The following RFX4 variants were observed in gnomAD, a reference collection of about 807,000 sequenced individuals.
The protein encoded by RFX4 is regulatory factor X4.
In RFX4, 10 loss-of-function variants were observed where a neutral mutation model predicts 95.0. That is an observed-to-expected ratio of 0.11 (90% CI 0.06 to 0.18). The LOEUF (loss-of-function observed/expected upper bound fraction) is 0.18, where lower values mean the gene tolerates loss of function less well. RFX4 is among the 10% of genes least tolerant of loss of function. The pLI, the probability that RFX4 is intolerant of heterozygous loss-of-function variation, is 1.00. For missense variants in RFX4, 640 were observed against 922.0 expected (o/e 0.69, Z 3.96); for synonymous variants, 321 against 340.7 (o/e 0.94, Z 0.64).
chr12:106,736,876 A>C (rs2042718313), intron 15 of RFX4, among the ~76,000 whole-genome samples: 2 of 151,966 alleles, frequency 1.3e-5, no homozygotes, highest in African/African-American at 4.8e-5. Context: ...ACTACTCACT[A>C]AGTCTCGTTT....
At chr12:106,663,971 T>G (rs2041125984) in intron 4 of RFX4, among the ~76,000 whole-genome samples, 1 of 151,902 alleles carries the variant, frequency 6.6e-6, no homozygotes, top group African/African-American at 2.4e-5. Context: ...TTTGCAAATA[T>G]TCTGTTAAGA....
intron 9 of RFX4, among the ~76,000 whole-genome samples, chr12:106,710,275 A>C (rs1259256784): frequency 6.6e-6 from 1 of 152,204 alleles, no homozygotes; most frequent in Non-Finnish European, 1.5e-5. Context: ...TCCACAGGCA[A>C]AGGGAGCCCT....
rs779631665 is a variant in RFX4 at position 106,732,115 on chromosome 12, C to T, written c.1352-15C>T. ...CAGCACGACTTACTTTCTGTTTGAT[C>T]CTTTTTTTCACCAGGGTCTTTTCAC... On this transcript the variant is annotated splice_polypyrimidine_tract_variant and intron_variant, in intron 13 of 17. Transcript: ENST00000392842. The T allele has an allele frequency of 6.2e-7, 1 of 1,611,976 alleles. No homozygotes were observed. Among genetic ancestry groups the T allele is most frequent in the Admixed American group, 1.7e-5 (1 of 59,934 alleles).
At chr12:106,711,202 C>T (rs2042185849) in intron 9 of RFX4, among the ~76,000 whole-genome samples, 1 of 152,160 alleles carries the variant, frequency 6.6e-6, no homozygotes, top group African/African-American at 2.4e-5. Context: ...CTCACACCTG[C>T]GAGTGTATCG....
At chr12:106,756,989 G>A (rs1275773535) in intron 17 of RFX4, among the ~76,000 whole-genome samples, 1 of 152,110 alleles carries the variant, frequency 6.6e-6, no homozygotes, top group Non-Finnish European at 1.5e-5. Flanking sequence ...ATGAATGACT[G>A]GATTCTTACT....
chr12:106,644,532 G>A (rs887003475), intron 3 of RFX4, among the ~76,000 whole-genome samples: 3 of 151,998 alleles, frequency 2.0e-5, no homozygotes, highest in East Asian at 1.9e-4. Context: ...CCCACCCGGC[G>A]CCACTTCCCT....
intron 4 of RFX4, among the ~76,000 whole-genome samples, chr12:106,663,708 C>T (rs2137346101): frequency 6.7e-6 from 1 of 149,574 alleles, no homozygotes; most frequent in Non-Finnish European, 1.5e-5. Flanking sequence ...TGTAGATATT[C>T]TTTATCAAAT....
intron 15 of RFX4, among the ~76,000 whole-genome samples, chr12:106,739,300 T>C (rs190466901): frequency 3.3e-5 from 5 of 152,326 alleles, no homozygotes; most frequent in Admixed American, 3.3e-4. Context: ...CAGGTTTGAC[T>C]TGTTGAGAAT....
chr12:106,749,021 G>T (rs1435030281), intron 16 of RFX4, among the ~76,000 whole-genome samples: 2 of 151,556 alleles, frequency 1.3e-5, no homozygotes, highest in Non-Finnish European at 2.9e-5. Context: ...GGAGGTGGAG[G>T]CTGCAGTGAG....
chr12:106,673,349 T>G (rs941393235), intron 4 of RFX4, among the ~76,000 whole-genome samples: 2 of 152,160 alleles, frequency 1.3e-5, no homozygotes, highest in Non-Finnish European at 2.9e-5. Flanking sequence ...CCTGTTGAGG[T>G]TGAGCTCTTG....
chr12:106,674,162 G>A (rs1385379183), intron 4 of RFX4, among the ~76,000 whole-genome samples: 2 of 152,154 alleles, frequency 1.3e-5, no homozygotes, highest in Admixed American at 6.5e-5. Flanking sequence ...AAACGAATGA[G>A]ACAAGCTCCC....
At chr12:106,636,980 G>A (rs2040527934) in intron 2 of RFX4, among the ~76,000 whole-genome samples, 1 of 152,022 alleles carries the variant, frequency 6.6e-6, no homozygotes, top group Non-Finnish European at 1.5e-5. Context: ...AGTAGAACAG[G>A]CCAGAATCTC....
chr12:106,728,425 C>A (rs776215743), intron 13 of RFX4, among the ~76,000 whole-genome samples: 2 of 152,036 alleles, frequency 1.3e-5, no homozygotes, highest in Non-Finnish European at 2.9e-5. Flanking sequence ...TAACACATAT[C>A]CATTGAGTCT....
chr12:106,592,337 A>G (rs1250264694), intron 1 of RFX4, among the ~76,000 whole-genome samples: 3 of 151,964 alleles, frequency 2.0e-5, no homozygotes, highest in African/African-American at 7.3e-5. Context: ...TTTTATTTTT[A>G]TTTCTCCACC....
intron 15 of RFX4, among the ~76,000 whole-genome samples, chr12:106,742,918 T>G (rs76250682): frequency 0.013 from 2,035 of 152,370 alleles, 54 homozygotes; most frequent in African/African-American, 0.047. Flanking sequence ...TTAATTCATT[T>G]ATTTGACAAA....
chr12:106,665,532 T>G (rs1251445220), intron 4 of RFX4, among the ~76,000 whole-genome samples: 4 of 151,996 alleles, frequency 2.6e-5, no homozygotes. Flanking sequence ...TTTGTTACTG[T>G]TTTCTATTTG....
At chr12:106,634,227 C>T (rs2040469882) in intron 2 of RFX4, among the ~76,000 whole-genome samples, 1 of 152,132 alleles carries the variant, frequency 6.6e-6, no homozygotes, top group Non-Finnish European at 1.5e-5. Flanking sequence ...CTCAACCATC[C>T]CTTCAGGGCT....
intron 13 of RFX4, among the ~76,000 whole-genome samples, chr12:106,727,498 T>C (rs1259626768): frequency 1.3e-5 from 2 of 151,980 alleles, no homozygotes; most frequent in Admixed American, 1.3e-4. Context: ...GAAAAGAAAA[T>C]GAAATAGAAG....
In RFX4 at chr12:106,610,607, T is replaced by A. The variant is rs115733461; in HGVS notation, c.130+1724T>A. On this transcript the variant is annotated intron_variant, in intron 2 of 17. Coordinates refer to ENST00000392842, the MANE Select transcript of RFX4 (RefSeq NM_213594.3). ...GGCATATTTCACTTAGCATAATGCCTTCAAGGTTAATCCATGTTGTAGCAT... is the reference window on the plus strand; with the variant it reads ...GGCATATTTCACTTAGCATAATGCCATCAAGGTTAATCCATGTTGTAGCAT... Among the ~76,000 whole-genome samples, 947 of 152,380 alleles carry A rather than the reference T, an allele frequency of 6.2e-3. 7 individuals are homozygous for A. Among genetic ancestry groups the A allele is most frequent in the African/African-American group, 0.021 (877 of 41,590 alleles).
Sources: gnomAD v4.1 joint callset for allele counts (sites outside exome capture counted in the v4.1 genomes callset) on GRCh38, gnomAD v4.1.1 for gene constraint, MANE v1.5 for transcripts, NCBI Gene and HGNC (gene_info 2026-07-23, HGNC 2026-07-21) for gene names.